The following RNF145 variants were observed in gnomAD, a reference collection of about 807,000 sequenced individuals.
RNF145 encodes the protein ring finger protein 145.
In RNF145, 12 loss-of-function variants were observed where a neutral mutation model predicts 57.3. That is an observed-to-expected ratio of 0.21 (90% confidence interval 0.13 to 0.34). The LOEUF (loss-of-function observed/expected upper bound fraction) is 0.34, where lower values mean the gene tolerates loss of function less well. Ranked by LOEUF, RNF145 falls within the 10% of genes least tolerant of loss-of-function variation. The probability of loss-of-function intolerance (pLI) is 1.00; values close to 1 mark genes in which losing one functional copy is unlikely to be tolerated. For synonymous variants in RNF145, 262 were observed against 288.3 expected, an observed-to-expected ratio of 0.91 and a Z score of 0.92; for missense variants, 429 against 799.0, an observed-to-expected ratio of 0.54 and a Z score of 5.58.
intron 10 of RNF145, among the ~76,000 whole-genome samples, chr5:159,159,510 G>A (rs755887833): frequency 6.6e-6 from 1 of 152,142 alleles, no homozygotes; most frequent in Non-Finnish European, 1.5e-5. Context: ...CCAGGGTATT[G>A]GCAAGGAAGT....
In RNF145 at chr5:159,157,689, T is replaced by C. The variant is rs1784086471; in HGVS notation, c.*981A>G. 6.5e-6 allele frequency: 1 copy of C among 152,714 alleles called. No individual in the cohort carries two copies. The highest frequency in any genetic ancestry group is 2.4e-5 in the African/African-American group (1 of 41,444). The allele number at this position is 152,714 out of a possible 1,614,324, so 9.5% of individuals were successfully genotyped here. On this transcript the variant is annotated 3_prime_UTR_variant, in exon 11 of 11. Coordinates refer to ENST00000424310, the MANE Select transcript of RNF145 (RefSeq NM_001199383.2). Reference sequence around the variant, plus strand: ...TCCTTGTCAAAGAAAAGGTGCAAAGTCTATTAACAGCTTTAAAAGTGGCAT... The same window carrying C: ...TCCTTGTCAAAGAAAAGGTGCAAAGCCTATTAACAGCTTTAAAAGTGGCAT...
At chr5:159,190,604 G>GGC (rs1562067998) in intron 3 of RNF145, among the ~76,000 whole-genome samples, 8 of 147,218 alleles carry the variant, frequency 5.4e-5, no homozygotes, top group Non-Finnish European at 1.2e-4. Flanking sequence ...GGTGGGAGAA[G>GGC]TGCTTGAGTT....
In RNF145 at chr5:159,209,498, CCGGCGTCGGCGG is replaced by C; in HGVS notation, c.-319_-308del. On this transcript the variant is annotated 5_prime_UTR_variant, in exon 1 of 11. Coordinates refer to ENST00000424310, the MANE Select transcript of RNF145 (RefSeq NM_001199383.2). ...GGGCCGAGCCCCTTAGCAGCCGGCG[CCGGCGTCGGCGG>C]CCATGGCCTCCTGCGTTTGCTCCTC... is the stretch of plus-strand genomic sequence containing the variant. 2.9e-6 allele frequency: 1 copy of C among 339,944 alleles called. No homozygotes were observed. 21.1% of individuals were successfully genotyped at this position (339,944 alleles called of 1,614,324 possible).
chr5:159,178,301 T>A (rs1784779231), intron 4 of RNF145, among the ~76,000 whole-genome samples: 1 of 152,024 alleles, frequency 6.6e-6, no homozygotes. Flanking sequence ...AACTGGCTAC[T>A]GGAATCATCC....
At chr5:159,173,872 A>T (rs1202013355) in intron 6 of RNF145, 111 bp downstream of exon 6, 4 of 731,210 alleles carry the variant, frequency 5.5e-6, no homozygotes, top group Non-Finnish European at 4.2e-6. Flanking sequence ...TTAACAAAAT[A>T]CGAAGTTGTG....
intron 4 of RNF145, among the ~76,000 whole-genome samples, chr5:159,181,128 CA>C (rs76460086): frequency 5.2e-3 from 462 of 89,520 alleles, no homozygotes; most frequent in African/African-American, 0.012. Flanking sequence ...GACTCTGTCT[CA>C]AAAAAAAAAA....
Position 159,203,585 on chromosome 5 carries a change from T to C in RNF145, c.33A>G (p.Leu11=), listed in dbSNP as rs747586563. The change falls in exon 2 of 11, where the codon TTA becomes TTG. Residue 11 remains leucine (L), a synonymous_variant. Transcript: ENST00000424310. ...TGCTTGGCACCCTCAGGGCCACATT[T>C]AACACTGCCTCCAGTTTCTCCTTTG... is the stretch of plus-strand genomic sequence containing the variant. MAAKEKLEAV[L]NVALRVPSIM... The C allele has an allele frequency of 9.3e-6, 15 of 1,613,862 alleles. No individual in the cohort carries two copies. In the Admixed American group the frequency reaches 1.3e-4, roughly 14 times the overall value.
chr5:159,158,679 T>C lies in RNF145; in HGVS notation c.1983A>G (p.Glu661=), dbSNP rs558434032. 20 of 1,613,804 alleles carry C rather than the reference T, an allele frequency of 1.2e-5. No individual in the cohort carries two copies. The East Asian group carries it at 3.8e-4, about 31-fold the overall frequency. ...HSAKDEAHPV[E]SA is the part of the protein sequence containing the mutation. Reference sequence around the variant, plus strand: ...TCCTGCTGCTTCTCCTCTAGGCTGATTCAACAGGATGTGCTTCATCTTTCG... The same window carrying C: ...TCCTGCTGCTTCTCCTCTAGGCTGACTCAACAGGATGTGCTTCATCTTTCG... The change falls in exon 11 of 11, where the codon GAA becomes GAG. Residue 661 remains glutamate (E), a synonymous_variant. Transcript: ENST00000424310.
At chr5:159,207,746 T>C in intron 1 of RNF145, 1 of 1,614,182 alleles carries the variant, frequency 6.2e-7, no homozygotes. Flanking sequence ...TAGCTAACTT[T>C]GTATGTACCT....
Position 159,161,472 on chromosome 5 carries a change from C to A in RNF145, c.1420G>T (p.Val474Phe), listed in dbSNP as rs561122308. ...CATTCTCCAAAGATGGTCTCTGAGA[C>A]GCCATAGGCCACCACACAGAGGGCC... The part of the protein sequence containing the change: ...LVALCVVAYG[V>F]SETIFGEWTV... Residue 474 changes from valine to phenylalanine, a missense_variant, in exon 10 of 11, where the codon GTC (valine) becomes TTC (phenylalanine). Val to Phe is a conservative substitution (Grantham distance 50, BLOSUM62 -1). Around this residue, in one of 4 missense-constraint regions of RNF145, gnomAD observed 216 missense variants for 457.6 expected, o/e 0.47. Coordinates refer to ENST00000424310, the MANE Select transcript of RNF145 (RefSeq NM_001199383.2). 2 of 1,614,100 alleles carry A rather than the reference C, an allele frequency of 1.2e-6. No homozygotes were observed. Among genetic ancestry groups the A allele is most frequent in the South Asian group, 1.1e-5 (1 of 91,086 alleles).
In RNF145 at chr5:159,161,625, GA is replaced by G. The variant is rs59997682; in HGVS notation, c.1270-4del. The G allele has an allele frequency of 0.014, 18,681 of 1,298,394 alleles. 9 individuals carry two copies. The highest frequency in any genetic ancestry group is 0.045 in the East Asian group (1,801 of 40,234). The allele number at this position is 1,298,394 out of a possible 1,614,324, so 80.4% of individuals were successfully genotyped here. The stretch of plus-strand genomic sequence containing the variant: ...TAAATAAAAAGTGTTCCCAGAACCT[GA>G]AAAAAAAAAAAAAATGTACGTATCT... On this transcript the variant is annotated splice_polypyrimidine_tract_variant and splice_region_variant and intron_variant, in intron 9 of 10. Coordinates refer to ENST00000424310, the MANE Select transcript of RNF145 (RefSeq NM_001199383.2).
At chr5:159,209,921 C>A (rs1250321068), upstream of RNF145, 21 of 1,535,350 alleles carry the variant, frequency 1.4e-5, no homozygotes, top group Admixed American at 2.0e-5. Context: ...AGCAATGATG[C>A]GAGAATTCGT....
intron 10 of RNF145, among the ~76,000 whole-genome samples, chr5:159,159,663 C>T (rs933038523): frequency 2.6e-5 from 4 of 152,126 alleles, no homozygotes; most frequent in African/African-American, 4.8e-5. Flanking sequence ...GGATATGTAA[C>T]GATGGGATTC....
intron 2 of RNF145, among the ~76,000 whole-genome samples, chr5:159,196,413 C>G (rs1017579708): frequency 1.1e-4 from 17 of 152,112 alleles, no homozygotes; most frequent in South Asian, 2.1e-4. Flanking sequence ...GACAATTCTC[C>G]TGCTCTAAAA....
chr5:159,181,921 C>T, intron 4 of RNF145, 39 bp downstream of exon 4: 2 of 1,155,378 alleles, frequency 1.7e-6, no homozygotes, highest in Non-Finnish European at 1.3e-6. Context: ...TAAGACTGGT[C>T]GGTTCCTACC....
intron 2 of RNF145, among the ~76,000 whole-genome samples, chr5:159,196,433 C>G (rs902117386): frequency 1.3e-5 from 2 of 152,144 alleles, no homozygotes; most frequent in Non-Finnish European, 2.9e-5. Flanking sequence ...AGTTATGAAC[C>G]TGACATTCTT....
chr5:159,199,879 T>C (rs1284672367), intron 2 of RNF145, among the ~76,000 whole-genome samples: 1 of 152,196 alleles, frequency 6.6e-6, no homozygotes, highest in African/African-American at 2.4e-5. Flanking sequence ...GAACCCACCC[T>C]GGAAAGCTTC....
chr5:159,161,068 G>C, intron 10 of RNF145, 198 bp downstream of exon 10: 1 of 523,624 alleles, frequency 1.9e-6, no homozygotes, highest in East Asian at 3.2e-5. Context: ...TAGAACCCAA[G>C]GGACTAAATT....
intron 3 of RNF145, among the ~76,000 whole-genome samples, chr5:159,190,476 AG>A (rs1373331749): frequency 3.3e-5 from 5 of 152,086 alleles, no homozygotes; most frequent in Non-Finnish European, 7.4e-5. Flanking sequence ...TCTTGAGGGC[AG>A]GAGTTCAAGA....
Sources: allele counts gnomAD v4.1 joint callset (sites outside exome capture counted in the v4.1 genomes callset), GRCh38; gene constraint gnomAD v4.1.1; regional missense constraint gnomAD v4.1.1; transcripts MANE v1.5; gene names NCBI Gene and HGNC (gene_info 2026-07-23, HGNC 2026-07-21).